Variants in APBA1 observed in about 807,000 individuals in gnomAD.
The protein encoded by APBA1 is amyloid-beta A4 precursor protein-binding family A member 1.
APBA1 carries 55 observed loss-of-function variants against 86.6 expected under a neutral mutation model. The observed-to-expected ratio is 0.64, with a 90% CI of 0.51 to 0.80. APBA1 has a LOEUF of 0.80. Ranked by LOEUF, APBA1 falls within the 30% of genes least tolerant of loss-of-function variation. The pLI is 0.00. For synonymous variants in APBA1, 511 were observed against 493.9 expected (o/e 1.03, Z -0.46); for missense variants, 1,090 against 1,183.0 (o/e 0.92, Z 1.15).
intron 1 of APBA1, among the ~76,000 whole-genome samples, chr9:69,552,062 G>A (rs555862867): frequency 3.8e-4 from 58 of 152,204 alleles, no homozygotes; most frequent in Non-Finnish European, 6.8e-4. Flanking sequence ...ACTTGGAGGT[G>A]GCAGTTCCTG....
At chr9:69,598,111 A>C (rs1822268323) in intron 1 of APBA1, among the ~76,000 whole-genome samples, 1 of 152,098 alleles carries the variant, frequency 6.6e-6, no homozygotes, top group South Asian at 2.1e-4. Flanking sequence ...GCCATAAAAA[A>C]TGATGAGTTC....
At chr9:69,643,751 A>C (rs1341676863) in intron 1 of APBA1, among the ~76,000 whole-genome samples, 1 of 152,218 alleles carries the variant, frequency 6.6e-6, no homozygotes, top group African/African-American at 2.4e-5. Context: ...CCAGTGCAGG[A>C]CTAGCTTAGG....
At chr9:69,541,547 A>AT (rs11461593) in intron 1 of APBA1, among the ~76,000 whole-genome samples, 19,340 of 141,960 alleles carry the variant, frequency 0.14, 1,362 homozygotes, top group East Asian at 0.22. Flanking sequence ...TCTTTTTTGC[A>AT]TTTTTTTTTT....
intron 1 of APBA1, among the ~76,000 whole-genome samples, chr9:69,643,924 T>C (rs1271189487): frequency 6.6e-6 from 1 of 152,214 alleles, no homozygotes; most frequent in Non-Finnish European, 1.5e-5. Context: ...AAGCATGCTC[T>C]TGCCTCAAGG....
chr9:69,629,696 A>G (rs1251095042), intron 1 of APBA1, among the ~76,000 whole-genome samples: 1 of 152,162 alleles, frequency 6.6e-6, no homozygotes, highest in Non-Finnish European at 1.5e-5. Flanking sequence ...AACATATTAC[A>G]TATTCATTGA....
At chr9:69,467,278 C>T (rs778219157) in intron 5 of APBA1, among the ~76,000 whole-genome samples, 4 of 152,326 alleles carry the variant, frequency 2.6e-5, no homozygotes, top group Admixed American at 6.5e-5. Flanking sequence ...GAGATTCAAA[C>T]ATGTTATGAT....
intron 1 of APBA1, among the ~76,000 whole-genome samples, chr9:69,585,377 G>A (rs1203234512): frequency 6.6e-6 from 1 of 152,208 alleles, no homozygotes; most frequent in African/African-American, 2.4e-5. Context: ...CAGAAGAGAT[G>A]ATAAGAAGAG....
intron 1 of APBA1, among the ~76,000 whole-genome samples, chr9:69,575,414 A>AC (rs1267901517): frequency 1.3e-5 from 2 of 152,206 alleles, no homozygotes; most frequent in African/African-American, 2.4e-5. Context: ...TCCTAAGCCA[A>AC]CAGAACAAAG....
rs58417611 is a variant in APBA1, at chr9:69,450,056, GTT to G, written c.1969-262_1969-261del. 5.6e-3 allele frequency among the ~76,000 whole-genome samples: 530 copies of G among 94,132 alleles called. 5 individuals carry two copies. Among genetic ancestry groups the G allele is most frequent in the South Asian group, 7.9e-3 (20 of 2,544 alleles). The allele number at this position is 94,132 out of a possible 152,430, so 61.8% of individuals were successfully genotyped here. Reference sequence around the variant, plus strand: ...CAGCACACAACCATGAGGACCACCAGTTTTTTTTTTTTTTTTTTTTTTTTTTA... The same window carrying G: ...CAGCACACAACCATGAGGACCACCAGTTTTTTTTTTTTTTTTTTTTTTTTA... On this transcript the variant is annotated intron_variant, in intron 9 of 12. Coordinates refer to ENST00000265381, the MANE Select transcript of APBA1 (RefSeq NM_001163.4).
chr9:69,652,464 G>A (rs1325112359), intron 1 of APBA1, among the ~76,000 whole-genome samples: 1 of 152,086 alleles, frequency 6.6e-6, no homozygotes, highest in Non-Finnish European at 1.5e-5. Context: ...GTCACAATGT[G>A]GCTGCACAGA....
intron 1 of APBA1, among the ~76,000 whole-genome samples, chr9:69,650,369 G>A (rs947192652): frequency 6.6e-6 from 1 of 152,288 alleles, no homozygotes; most frequent in East Asian, 1.9e-4. Context: ...TTTTAAAGAT[G>A]TTTAACAGCA....
intron 6 of APBA1, among the ~76,000 whole-genome samples, chr9:69,457,652 C>T (rs892981159): frequency 6.6e-6 from 1 of 152,162 alleles, no homozygotes; most frequent in Middle Eastern, 3.4e-3. Flanking sequence ...CTGAAGCCAC[C>T]CCATTAAGAA....
At chr9:69,523,158 T>C (rs1293337345) in intron 1 of APBA1, among the ~76,000 whole-genome samples, 2 of 152,080 alleles carry the variant, frequency 1.3e-5, no homozygotes, top group Non-Finnish European at 2.9e-5. Flanking sequence ...TATCTCATAA[T>C]GTGTAGCAGA....
At chr9:69,473,357 G>C (rs187330462) in intron 3 of APBA1, among the ~76,000 whole-genome samples, 18 of 152,268 alleles carry the variant, frequency 1.2e-4, no homozygotes, top group Non-Finnish European at 1.8e-4. Flanking sequence ...CATCTTCATA[G>C]GGGCCTAAAA....
intron 1 of APBA1, among the ~76,000 whole-genome samples, chr9:69,627,915 C>T (rs979820165): frequency 2.0e-5 from 3 of 152,182 alleles, no homozygotes; most frequent in Non-Finnish European, 4.4e-5. Flanking sequence ...ATGGTAGACA[C>T]ACCCTAAGGT....
intron 1 of APBA1, among the ~76,000 whole-genome samples, chr9:69,632,235 C>T (rs987418): frequency 0.97 from 147,644 of 152,192 alleles, 71,762 homozygotes; most frequent in East Asian, 1. Context: ...CTTATAAACC[C>T]AAAATTCTTC....
At chr9:69,432,339 C>T (rs1387003176) in intron 12 of APBA1, among the ~76,000 whole-genome samples, 197 bp downstream of exon 12, 1 of 152,200 alleles carries the variant, frequency 6.6e-6, no homozygotes, top group Non-Finnish European at 1.5e-5. Flanking sequence ...GATTCCATTT[C>T]ATGGAGGAGC....
chr9:69,509,175 A>G (rs1183646786), intron 2 of APBA1, among the ~76,000 whole-genome samples: 2 of 152,220 alleles, frequency 1.3e-5, no homozygotes, highest in African/African-American at 4.8e-5. Context: ...ACCGCTAGCA[A>G]GACTAATAAA....
chr9:69,666,200 G>A (rs1461579174), intron 1 of APBA1, among the ~76,000 whole-genome samples: 2 of 152,106 alleles, frequency 1.3e-5, no homozygotes, highest in East Asian at 1.9e-4. Context: ...GTAAACCAAG[G>A]AAACCAATAA....
Sources: gnomAD v4.1 joint callset for allele counts (sites outside exome capture counted in the v4.1 genomes callset) on GRCh38, gnomAD v4.1.1 for gene constraint, MANE v1.5 for transcripts, NCBI Gene and HGNC (gene_info 2026-07-23, HGNC 2026-07-21) for gene names.